Variants in WDR17 observed in about 807,000 individuals in gnomAD.
The protein encoded by WDR17 is WD repeat-containing protein 17.
A neutral mutation model predicts 161.7 loss-of-function variants in WDR17; 143 were observed. The ratio of observed to expected loss-of-function variants is 0.88; its 90% CI spans 0.77 to 1.02. The LOEUF (loss-of-function observed/expected upper bound fraction) is 1.02, where lower values mean the gene tolerates loss of function less well. WDR17 is among the 50% of genes least tolerant of loss of function. The pLI, the probability that WDR17 is intolerant of heterozygous loss-of-function variation, is 0.00. For synonymous variants in WDR17, 517 were observed against 515.6 expected (o/e 1.00, Z -0.04); for missense variants, 1,469 against 1,520.9 (o/e 0.97, Z 0.57).
At chr4:176,120,363 T>TA (rs1239486278) in intron 4 of WDR17, among the ~76,000 whole-genome samples, 5 of 149,618 alleles carry the variant, frequency 3.3e-5, no homozygotes, top group African/African-American at 1.2e-4. Flanking sequence ...GGAATTAACC[T>TA]AAATCAGTCA....
chr4:176,109,238 C>T (rs1279556469), intron 1 of WDR17, among the ~76,000 whole-genome samples: 1 of 151,942 alleles, frequency 6.6e-6, no homozygotes, highest in East Asian at 1.9e-4. Context: ...TAGATCCCCA[C>T]ATAATCTCCA....
At chr4:176,099,395 T>C (rs1239656631) in intron 1 of WDR17, among the ~76,000 whole-genome samples, 2 of 152,172 alleles carry the variant, frequency 1.3e-5, no homozygotes, top group Admixed American at 1.3e-4. Context: ...TGGTCAGGTC[T>C]GAGGGTTAAA....
chr4:176,127,287 G>T (rs958241224), intron 5 of WDR17, among the ~76,000 whole-genome samples: 1 of 150,334 alleles, frequency 6.7e-6, no homozygotes, highest in African/African-American at 2.5e-5. Flanking sequence ...TTAATAATAG[G>T]CATGGAATTT....
intron 1 of WDR17, among the ~76,000 whole-genome samples, chr4:176,104,369 G>T (rs910483109): frequency 6.6e-6 from 1 of 151,964 alleles, no homozygotes; most frequent in Non-Finnish European, 1.5e-5. Flanking sequence ...AATTATAAGT[G>T]CTAGTATTTG....
rs66817611 is a variant in WDR17 at position 176,077,155 on chromosome 4, ATTT to A, written c.-7+11100_-7+11102del. 1.8e-3 allele frequency among the ~76,000 whole-genome samples: 228 copies of A among 125,410 alleles called. 1 individual carries two copies. The highest frequency in any genetic ancestry group is 3.2e-3 in the Admixed American group (36 of 11,238). 82.3% of individuals were successfully genotyped at this position (125,410 alleles called of 152,430 possible). On this transcript the variant is annotated intron_variant, in intron 1 of 28. Coordinates refer to ENST00000508596, the MANE Select transcript of WDR17 (RefSeq NM_181265.4). ...CTGTCTTATCTCACTTTTTCTCCCA[ATTT>A]TTTTTTTTTTTTTTTTTTTTTTTCA...
intron 1 of WDR17, among the ~76,000 whole-genome samples, chr4:176,070,542 C>T (rs115224902): frequency 7.3e-4 from 110 of 150,862 alleles, no homozygotes; most frequent in African/African-American, 2.5e-3. Context: ...TTTTTTTCTT[C>T]TGAGACAGGG....
intron 1 of WDR17, among the ~76,000 whole-genome samples, chr4:176,100,740 C>T (rs1318301770): frequency 6.6e-6 from 1 of 151,944 alleles, no homozygotes; most frequent in Non-Finnish European, 1.5e-5. Context: ...GTGTTTAGTA[C>T]ATCTTGAATT....
chr4:176,154,412 C>T (rs1323873694), intron 17 of WDR17, among the ~76,000 whole-genome samples: 3 of 151,918 alleles, frequency 2.0e-5, no homozygotes, highest in East Asian at 1.9e-4. Context: ...ATCCGGCAGG[C>T]GGAGGTTGCA....
chr4:176,124,973 C>A, intron 4 of WDR17, 131 bp from the exon 5 acceptor site: 4 of 1,019,820 alleles, frequency 3.9e-6, no homozygotes, highest in Non-Finnish European at 5.6e-6. Context: ...ACGCCTTCTG[C>A]ATATAAGCAC....
At position 176,177,798 on chromosome 4, in the gene WDR17, C is replaced by T. The variant is rs1374242660; in HGVS notation, c.3732+144C>T. On this transcript the variant is annotated intron_variant, in intron 28 of 28. Coordinates refer to ENST00000508596, the MANE Select transcript of WDR17 (RefSeq NM_181265.4). ...TAAGGAAATATTACCTCTAGTGCTTCCATAGTTAGTACAAGTGGCCTCTTT... is the reference window on the plus strand; with the variant it reads ...TAAGGAAATATTACCTCTAGTGCTTTCATAGTTAGTACAAGTGGCCTCTTT... 5.5e-6 allele frequency: 4 copies of T among 721,858 alleles called. No individual in the cohort carries two copies. The East Asian group carries it at 1.2e-4, about 21-fold the overall frequency. 44.7% of individuals were successfully genotyped at this position (721,858 alleles called of 1,614,324 possible).
chr4:176,173,517 A>AT (rs11298122), intron 25 of WDR17, 148 bp downstream of exon 25: 16 of 544,380 alleles, frequency 2.9e-5, no homozygotes, highest in Admixed American at 7.4e-5. Flanking sequence ...TTTGTTATAT[A>AT]TTTTTTTTCT....
intron 4 of WDR17, among the ~76,000 whole-genome samples, chr4:176,123,478 T>C (rs557548394): frequency 1.3e-5 from 2 of 152,340 alleles, no homozygotes; most frequent in African/African-American, 4.8e-5. Flanking sequence ...TTATTTTGCC[T>C]GTGTTTCTGA....
At position 176,128,767 on chromosome 4, in the gene WDR17, A is replaced by G; in HGVS notation, c.820A>G (p.Asn274Asp). The change falls in exon 6 of 29, where the codon AAT (asparagine) becomes GAT (aspartate). Residue 274 changes from asparagine to aspartate, a missense_variant. Transcript: ENST00000508596. ...TCAAGTGGGTGTTTTACGCATTTGG[A>G]ATGTTTCAAGAACAACACCTATTGA... ...DSQVGVLRIW[N>D]VSRTTPIDNL... 1 of 1,604,038 alleles carries G rather than the reference A, an allele frequency of 6.2e-7. No individual in the cohort carries two copies. The highest frequency in any genetic ancestry group is 8.5e-7 in the Non-Finnish European group (1 of 1,176,620).
intron 9 of WDR17, among the ~76,000 whole-genome samples, chr4:176,138,699 T>C (rs1275437698): frequency 6.6e-6 from 1 of 151,840 alleles, no homozygotes; most frequent in Non-Finnish European, 1.5e-5. Context: ...GATTTCTTCT[T>C]ATGGCATCTT....
intron 1 of WDR17, among the ~76,000 whole-genome samples, chr4:176,071,259 A>G (rs1413889076): frequency 6.6e-6 from 1 of 152,010 alleles, no homozygotes; most frequent in East Asian, 1.9e-4. Context: ...CTCGCAATGG[A>G]ATATTTACTT....
chr4:176,178,479 CA>C (rs771794918), intron 28 of WDR17, among the ~76,000 whole-genome samples: 7 of 152,076 alleles, frequency 4.6e-5, no homozygotes, highest in Admixed American at 1.3e-4. Flanking sequence ...TTCTTTTCTC[CA>C]TCTGACCTTG....
chr4:176,170,481 A>G (rs1750565448), intron 23 of WDR17, among the ~76,000 whole-genome samples: 1 of 151,964 alleles, frequency 6.6e-6, no homozygotes, highest in Admixed American at 6.6e-5. Flanking sequence ...ACACCCAGCT[A>G]ATTTTGTATT....
Position 176,075,289 on chromosome 4 carries a change from G to A in WDR17, c.-7+9210G>A, listed in dbSNP as rs183086875. Reference sequence around the variant, plus strand: ...GAGTCAATTTCTAATATTGTGAGTCGATTTTTCCCTAAATATCAGGAAACA... The same window carrying A: ...GAGTCAATTTCTAATATTGTGAGTCAATTTTTCCCTAAATATCAGGAAACA... On this transcript the variant is annotated intron_variant, in intron 1 of 28. Coordinates refer to ENST00000508596, the MANE Select transcript of WDR17 (RefSeq NM_181265.4). Among the ~76,000 whole-genome samples the A allele has an allele frequency of 2.2e-4, 33 of 151,738 alleles. 1 individual carries two copies. The East Asian group carries it at 5.2e-3, about 24-fold the overall frequency.
At chr4:176,158,624 A>G (rs1748524984) in intron 18 of WDR17, among the ~76,000 whole-genome samples, 2 of 152,206 alleles carry the variant, frequency 1.3e-5, no homozygotes, top group African/African-American at 4.8e-5. Flanking sequence ...AATCTGGATC[A>G]CATGGAGGTT....
Sources: allele counts gnomAD v4.1 joint callset (sites outside exome capture counted in the v4.1 genomes callset), GRCh38; gene constraint gnomAD v4.1.1; transcripts MANE v1.5; gene names NCBI Gene and HGNC (gene_info 2026-07-23, HGNC 2026-07-21).